The following TMEM163 variants were observed in gnomAD, a reference collection of about 807,000 sequenced individuals.
The protein encoded by TMEM163 is transmembrane protein 163.
A neutral mutation model predicts 29.3 loss-of-function variants in TMEM163; 17 were observed. The observed-to-expected ratio is 0.58, with a 90% CI of 0.40 to 0.87. The LOEUF (loss-of-function observed/expected upper bound fraction) is 0.87, where lower values mean the gene tolerates loss of function less well. Among genes scored for constraint, TMEM163 ranks in the 40% least tolerant of loss-of-function variants. TMEM163 has a pLI of 0.00. For missense variants in TMEM163, 303 were observed against 381.5 expected (o/e 0.79, Z 1.71); for synonymous variants, 157 against 160.6 (o/e 0.98, Z 0.17).
At chr2:134,507,075 G>A (rs981758080) in intron 4 of TMEM163, among the ~76,000 whole-genome samples, 6 of 152,070 alleles carry the variant, frequency 3.9e-5, no homozygotes, top group Non-Finnish European at 8.8e-5. Context: ...AGTGACTCAC[G>A]CCTGTAATCC....
At chr2:134,515,864 AAC>A in intron 4 of TMEM163, among the ~76,000 whole-genome samples, 1 of 152,338 alleles carries the variant, frequency 6.6e-6, no homozygotes, top group Non-Finnish European at 1.5e-5. Flanking sequence ...TTGTAACAAA[AAC>A]AAAATTTCTA....
At chr2:134,577,733 C>T (rs1213954510) in intron 2 of TMEM163, among the ~76,000 whole-genome samples, 1 of 151,794 alleles carries the variant, frequency 6.6e-6, no homozygotes, top group African/African-American at 2.4e-5. Context: ...GCCTCCGTGC[C>T]CACCAGGTAT....
intron 4 of TMEM163, among the ~76,000 whole-genome samples, chr2:134,546,199 T>TTCTGGGCA (rs1680779067): frequency 6.6e-6 from 1 of 152,226 alleles, no homozygotes; most frequent in African/African-American, 2.4e-5. Context: ...GCAATCCCAC[T>TTCTGGGCA]TCTGGGCATT....
intron 2 of TMEM163, among the ~76,000 whole-genome samples, chr2:134,666,263 C>T (rs575384375): frequency 6.6e-6 from 1 of 151,974 alleles, no homozygotes; most frequent in East Asian, 1.9e-4. Flanking sequence ...CCCACCCTCC[C>T]CCAACCCCCA....
chr2:134,584,601 C>G (rs1183327252), intron 2 of TMEM163, among the ~76,000 whole-genome samples: 1 of 149,316 alleles, frequency 6.7e-6, no homozygotes, highest in Non-Finnish European at 1.5e-5. Context: ...GTTTCTTGAC[C>G]ATTGCATTTT....
intron 2 of TMEM163, among the ~76,000 whole-genome samples, chr2:134,649,469 T>C (rs1359121048): frequency 2.0e-5 from 3 of 152,178 alleles, no homozygotes; most frequent in South Asian, 2.1e-4. Context: ...CTCTCTATAG[T>C]AGAGAAAAAG....
intron 5 of TMEM163, among the ~76,000 whole-genome samples, chr2:134,492,837 TA>T (rs1679459717): frequency 6.6e-6 from 1 of 152,246 alleles, no homozygotes; most frequent in African/African-American, 2.4e-5. Context: ...TGCAGACATG[TA>T]TTTTCATTTC....
intron 2 of TMEM163, among the ~76,000 whole-genome samples, chr2:134,627,816 T>C (rs1017874728): frequency 6.6e-6 from 1 of 152,222 alleles, no homozygotes; most frequent in Non-Finnish European, 1.5e-5. Context: ...AAATCTATTG[T>C]ACCAATGGAA....
chr2:134,492,852 T>G (rs1451473760), intron 5 of TMEM163, among the ~76,000 whole-genome samples: 1 of 152,248 alleles, frequency 6.6e-6, no homozygotes, highest in Non-Finnish European at 1.5e-5. Flanking sequence ...TCATTTCCCT[T>G]GGGTAAATAC....
chr2:134,458,106 A>G lies in TMEM163; in HGVS notation c.735T>C (p.His245=). The change falls in exon 7 of 8, where the codon CAT becomes CAC. Residue 245 remains histidine (H), a synonymous_variant. Transcript: ENST00000281924. ...CGTCCAGGTACCAGACCGCCGAGTC[A>G]TGCTTGAACACTTCCGCGCTCAGAA... ...SILLSAEVFK[H]DSAVWYLDGS... 1 of 1,614,214 alleles carries G rather than the reference A, an allele frequency of 6.2e-7. No homozygotes were observed.
At chr2:134,673,935 C>G (rs368042358) in intron 2 of TMEM163, among the ~76,000 whole-genome samples, 1 of 152,196 alleles carries the variant, frequency 6.6e-6, no homozygotes, top group Non-Finnish European at 1.5e-5. Flanking sequence ...GAAACTAATA[C>G]AAATTACTAT....
At chr2:134,509,154 T>C (rs1193544835) in intron 4 of TMEM163, among the ~76,000 whole-genome samples, 1 of 152,224 alleles carries the variant, frequency 6.6e-6, no homozygotes, top group East Asian at 1.9e-4. Flanking sequence ...TGATGATGGA[T>C]GCTATTCTAT....
intron 2 of TMEM163, among the ~76,000 whole-genome samples, chr2:134,640,611 C>T (rs1306841084): frequency 3.9e-5 from 6 of 152,148 alleles, no homozygotes; most frequent in Non-Finnish European, 5.9e-5. Flanking sequence ...CGGGGAAATG[C>T]TTCAAGCCTG....
intron 2 of TMEM163, among the ~76,000 whole-genome samples, chr2:134,710,120 G>A (rs1296391517): frequency 6.6e-6 from 1 of 152,108 alleles, no homozygotes; most frequent in African/African-American, 2.4e-5. Context: ...AAGAGTATAA[G>A]AGCAAGCTGC....
chr2:134,697,463 A>G (rs1235415253), intron 2 of TMEM163, among the ~76,000 whole-genome samples: 1 of 133,748 alleles, frequency 7.5e-6, no homozygotes, highest in South Asian at 2.3e-4. Context: ...TTTCTTCTCA[A>G]TTTTTTTTTT....
At chr2:134,507,221 A>C (rs1679844542) in intron 4 of TMEM163, among the ~76,000 whole-genome samples, 1 of 152,072 alleles carries the variant, frequency 6.6e-6, no homozygotes, top group South Asian at 2.1e-4. Flanking sequence ...CTGTAATCCC[A>C]GCTACTTGGG....
intron 2 of TMEM163, among the ~76,000 whole-genome samples, chr2:134,580,319 G>C (rs1428700504): frequency 6.6e-6 from 1 of 152,178 alleles, no homozygotes; most frequent in African/African-American, 2.4e-5. Context: ...AGACGTAACA[G>C]CATACACTGG....
At chr2:134,545,777 T>C (rs959491863) in intron 4 of TMEM163, among the ~76,000 whole-genome samples, 7 of 152,214 alleles carry the variant, frequency 4.6e-5, no homozygotes, top group Admixed American at 1.3e-4. Flanking sequence ...GAAACGCCTA[T>C]GGAATCTTGG....
intron 2 of TMEM163, among the ~76,000 whole-genome samples, chr2:134,629,059 G>A (rs963059587): frequency 3.9e-5 from 6 of 152,198 alleles, no homozygotes; most frequent in Non-Finnish European, 1.5e-5. Context: ...CTTGGATTGA[G>A]CATTCATGAT....
Sources: allele counts gnomAD v4.1 joint callset (sites outside exome capture counted in the v4.1 genomes callset), GRCh38; gene constraint gnomAD v4.1.1; transcripts MANE v1.5; gene names NCBI Gene and HGNC (gene_info 2026-07-23, HGNC 2026-07-21).